The following KCNQ5 variants were observed in gnomAD, a reference collection of about 807,000 sequenced individuals.
KCNQ5 encodes the protein potassium voltage-gated channel subfamily KQT member 5.
A neutral mutation model predicts 98.2 loss-of-function variants in KCNQ5; 30 were observed. That is an observed-to-expected ratio of 0.31 (90% CI 0.23 to 0.41). The LOEUF (loss-of-function observed/expected upper bound fraction) is 0.41. KCNQ5 is among the 10% of genes least tolerant of loss of function. The probability of loss-of-function intolerance (pLI) is 1.00; values close to 1 mark genes in which losing one functional copy is unlikely to be tolerated. For missense variants in KCNQ5, 835 were observed against 1,182.5 expected, an observed-to-expected ratio of 0.71 and a Z score of 4.31; for synonymous variants, 458 against 449.4, an observed-to-expected ratio of 1.02 and a Z score of -0.24.
chr6:72,652,389 C>A (rs1247387531), intron 1 of KCNQ5, among the ~76,000 whole-genome samples: 1 of 151,600 alleles, frequency 6.6e-6, no homozygotes, highest in African/African-American at 2.4e-5. Context: ...TTTTGAGTCC[C>A]ACTCTCATTT....
At chr6:73,047,485 C>T (rs1026912462) in intron 3 of KCNQ5, among the ~76,000 whole-genome samples, 9 of 152,090 alleles carry the variant, frequency 5.9e-5, no homozygotes, top group Non-Finnish European at 1.3e-4. Context: ...AATAAACTAT[C>T]GGTAATTTAG....
chr6:72,850,020 G>A (rs942233168), intron 1 of KCNQ5, among the ~76,000 whole-genome samples: 7 of 152,072 alleles, frequency 4.6e-5, no homozygotes, highest in Admixed American at 1.3e-4. Flanking sequence ...TTTTGAAGAC[G>A]TCAACTTATG....
intron 3 of KCNQ5, among the ~76,000 whole-genome samples, chr6:73,070,988 T>C (rs946348864): frequency 2.6e-5 from 4 of 152,168 alleles, no homozygotes; most frequent in Non-Finnish European, 4.4e-5. Flanking sequence ...TTTATAATCT[T>C]GGTTGGACAA....
At chr6:72,847,847 C>A (rs1001982865) in intron 1 of KCNQ5, among the ~76,000 whole-genome samples, 3 of 152,160 alleles carry the variant, frequency 2.0e-5, no homozygotes, top group Non-Finnish European at 4.4e-5. Context: ...ACTTCCAAAC[C>A]AAACCATCTC....
intron 1 of KCNQ5, among the ~76,000 whole-genome samples, chr6:72,930,913 T>C (rs1008243912): frequency 6.6e-6 from 1 of 152,198 alleles, no homozygotes; most frequent in Admixed American, 6.5e-5. Flanking sequence ...TCAATGATCA[T>C]GTAATTCCTA....
intron 1 of KCNQ5, among the ~76,000 whole-genome samples, chr6:72,712,485 A>C (rs1769420164): frequency 6.6e-6 from 1 of 152,228 alleles, no homozygotes; most frequent in African/African-American, 2.4e-5. Context: ...CAATCTTTGA[A>C]TCTAATAAGA....
At chr6:73,037,404 T>C (rs1771486072) in intron 2 of KCNQ5, among the ~76,000 whole-genome samples, 1 of 152,196 alleles carries the variant, frequency 6.6e-6, no homozygotes, top group South Asian at 2.1e-4. Flanking sequence ...CTTTTATAAC[T>C]TCTGCTTTTG....
intron 5 of KCNQ5, among the ~76,000 whole-genome samples, chr6:73,092,045 C>T (rs562561000): frequency 6.6e-6 from 1 of 150,998 alleles, no homozygotes; most frequent in Non-Finnish European, 1.5e-5. Context: ...AGGTCTTTCA[C>T]TTCCTTGGTT....
chr6:72,986,705 A>G, intron 1 of KCNQ5: 2 of 1,272,354 alleles, frequency 1.6e-6, no homozygotes, highest in Admixed American at 2.0e-5. Context: ...GAAGAAAAAG[A>G]AGAAGTCACC....
intron 9 of KCNQ5, among the ~76,000 whole-genome samples, chr6:73,129,165 T>C (rs55860481): frequency 5.1e-4 from 78 of 152,354 alleles, no homozygotes; most frequent in African/African-American, 1.9e-3. Context: ...AAAAACAATC[T>C]TTCCAAAATG....
rs755395588 is a variant in KCNQ5, at chr6:73,195,285, G to A, written c.2670G>A (p.Pro890=). ...AGACAGACACTTTTGATGCCGCACC[G>A]CAGCCTGCCAGGGAAGCTGCCTTTG... ...ETETDTFDAA[P]QPAREAAFAS... The change falls in exon 14 of 14, where the codon CCG becomes CCA. Residue 890 remains proline, a synonymous_variant. Coordinates refer to ENST00000370398, the MANE Select transcript of KCNQ5 (RefSeq NM_019842.4). The A allele has an allele frequency of 5.0e-6, 8 of 1,614,134 alleles. No individual in the cohort carries two copies. Among genetic ancestry groups the A allele is most frequent in the South Asian group, 2.2e-5 (2 of 91,080 alleles).
chr6:73,074,724 C>T (rs1773448641), intron 3 of KCNQ5, among the ~76,000 whole-genome samples: 1 of 146,458 alleles, frequency 6.8e-6, no homozygotes, highest in African/African-American at 2.5e-5. Context: ...CACATAAAGT[C>T]ATTGTAAGGA....
intron 11 of KCNQ5, among the ~76,000 whole-genome samples, chr6:73,175,421 G>A (rs1271986714): frequency 6.6e-6 from 1 of 152,086 alleles, no homozygotes; most frequent in African/African-American, 2.4e-5. Context: ...CTAAGTGCTG[G>A]GATTACAGAC....
intron 1 of KCNQ5, among the ~76,000 whole-genome samples, chr6:72,664,154 G>A (rs932866718): frequency 6.6e-6 from 1 of 152,208 alleles, no homozygotes; most frequent in African/African-American, 2.4e-5. Context: ...AAAGTGTTAG[G>A]AGGGGATGTA....
At chr6:73,163,495 C>G (rs1777688839) in intron 10 of KCNQ5, among the ~76,000 whole-genome samples, 1 of 152,116 alleles carries the variant, frequency 6.6e-6, no homozygotes, top group African/African-American at 2.4e-5. Context: ...ACCTGTAATC[C>G]TAACACTTTG....
At chr6:72,824,596 T>A (rs1775903405) in intron 1 of KCNQ5, among the ~76,000 whole-genome samples, 2 of 152,094 alleles carry the variant, frequency 1.3e-5, no homozygotes, top group South Asian at 4.1e-4. Context: ...CTAGGATTGG[T>A]CATGTACTTT....
chr6:73,075,443 G>A (rs564072730), intron 3 of KCNQ5, among the ~76,000 whole-genome samples: 4 of 152,138 alleles, frequency 2.6e-5, no homozygotes, highest in South Asian at 2.1e-4. Context: ...GGATGGTCTC[G>A]ATCTCCTGAC....
At chr6:73,030,620 G>A (rs1304476540) in intron 2 of KCNQ5, among the ~76,000 whole-genome samples, 1 of 152,178 alleles carries the variant, frequency 6.6e-6, no homozygotes, top group Non-Finnish European at 1.5e-5. Flanking sequence ...GCAAGACTAG[G>A]TTTTGATTCA....
rs532285232 is a variant in KCNQ5, at chr6:72,716,684, A to G, written c.398+94097A>G. On this transcript the variant is annotated intron_variant, in intron 1 of 13. Coordinates refer to ENST00000370398, the MANE Select transcript of KCNQ5 (RefSeq NM_019842.4). ...TGTTTAATTACTATCTATTAAGTGG[A>G]TGTTGGATGTCAGACATGAACTGTC... 3.3e-4 allele frequency among the ~76,000 whole-genome samples: 50 copies of G among 152,244 alleles called. 1 individual carries two copies. Among genetic ancestry groups the G allele is most frequent in the African/African-American group, 9.6e-4 (40 of 41,546 alleles).
Sources: allele counts gnomAD v4.1 joint callset (sites outside exome capture counted in the v4.1 genomes callset), GRCh38; gene constraint gnomAD v4.1.1; transcripts MANE v1.5; gene names NCBI Gene and HGNC (gene_info 2026-07-23, HGNC 2026-07-21).